The following SLC38A9 variants were observed in gnomAD, a reference collection of about 807,000 sequenced individuals.
The protein encoded by SLC38A9 is neutral amino acid transporter 9.
SLC38A9 carries 48 observed loss-of-function variants against 62.3 expected under a neutral mutation model. The observed-to-expected ratio is 0.77, with a 90% confidence interval of 0.61 to 0.98. The LOEUF is 0.98. Ranked by LOEUF, SLC38A9 falls within the 50% of genes least tolerant of loss-of-function variation. The probability of loss-of-function intolerance (pLI) is 0.00; values close to 1 mark genes in which losing one functional copy is unlikely to be tolerated. For synonymous variants in SLC38A9, 204 were observed against 227.7 expected (o/e 0.90, Z 0.94); for missense variants, 541 against 679.8 (o/e 0.80, Z 2.27).
At chr5:55,689,065 T>C (rs1754367585) in intron 3 of SLC38A9, among the ~76,000 whole-genome samples, 1 of 152,194 alleles carries the variant, frequency 6.6e-6, no homozygotes, top group African/African-American at 2.4e-5. Flanking sequence ...TCAGGTCAGA[T>C]CTGTATACAC....
intron 12 of SLC38A9, among the ~76,000 whole-genome samples, chr5:55,643,908 T>C (rs962541207): frequency 6.6e-6 from 1 of 152,242 alleles, no homozygotes; most frequent in Non-Finnish European, 1.5e-5. Context: ...AAATTCCTTG[T>C]AGACAACATA....
At chr5:55,672,838 G>A in intron 3 of SLC38A9, 143 bp from the exon 4 acceptor site, 4 of 737,842 alleles carry the variant, frequency 5.4e-6, no homozygotes, top group Admixed American at 6.2e-5. Context: ...GGTGCAAACA[G>A]AAAATGTTAC....
chr5:55,664,140 G>A (rs201428621), intron 8 of SLC38A9, among the ~76,000 whole-genome samples: 3 of 150,470 alleles, frequency 2.0e-5, no homozygotes, highest in East Asian at 2.0e-4. Context: ...CTCAAAAAAA[G>A]AAAAAAAAAT....
At chr5:55,680,442 G>A (rs932389827) in intron 3 of SLC38A9, among the ~76,000 whole-genome samples, 18 of 152,150 alleles carry the variant, frequency 1.2e-4, no homozygotes, top group Admixed American at 9.2e-4. Flanking sequence ...TGATTAGGCC[G>A]GGAGGGGTCC....
At chr5:55,648,072 T>C (rs1561330470) in intron 11 of SLC38A9, among the ~76,000 whole-genome samples, 1 of 152,052 alleles carries the variant, frequency 6.6e-6, no homozygotes, top group Non-Finnish European at 1.5e-5. Context: ...AAACCCTGTC[T>C]CTACTAAAAA....
intron 9 of SLC38A9, 124 bp from the exon 10 acceptor site, chr5:55,652,847 G>T: frequency 4.5e-6 from 3 of 664,806 alleles, no homozygotes; most frequent in East Asian, 2.8e-5. Context: ...CTTCCTAGGA[G>T]CCTAAATTTC....
intron 9 of SLC38A9, 54 bp downstream of exon 9, chr5:55,656,661 C>T (rs1748481413): frequency 8.0e-7 from 1 of 1,244,318 alleles, no homozygotes; most frequent in South Asian, 1.2e-5. Context: ...ACCTTAAATC[C>T]TTTTTGGAGC....
At chr5:55,667,857 C>G (rs1175394712) in intron 7 of SLC38A9, among the ~76,000 whole-genome samples, 1 of 152,118 alleles carries the variant, frequency 6.6e-6, no homozygotes, top group African/African-American at 2.4e-5. Context: ...AGCCTCTCTT[C>G]TTTTTAAATG....
chr5:55,648,207 C>T (rs898391957), intron 11 of SLC38A9, among the ~76,000 whole-genome samples: 15 of 151,938 alleles, frequency 9.9e-5, no homozygotes, highest in Admixed American at 5.9e-4. Flanking sequence ...CCACTGCACT[C>T]GAGCCTGGGT....
rs542760631 is a variant in SLC38A9, at chr5:55,630,461, G to A, written c.1431-2481C>T. On this transcript the variant is annotated intron_variant, in intron 14 of 15. Coordinates refer to ENST00000396865, the MANE Select transcript of SLC38A9 (RefSeq NM_173514.4). ...GCCTCCCGAGTACCTGGGATTACAAGCGCCTGCCACTACGCCAGGCTAATT... is the reference window on the plus strand; with the variant it reads ...GCCTCCCGAGTACCTGGGATTACAAACGCCTGCCACTACGCCAGGCTAATT... Among the ~76,000 whole-genome samples the A allele has an allele frequency of 2.0e-5, 3 of 152,102 alleles. No individual in the cohort carries two copies. The South Asian group carries it at 6.2e-4, about 32-fold the overall frequency.
chr5:55,710,970 C>T (rs1302420248), intron 2 of SLC38A9, among the ~76,000 whole-genome samples: 1 of 151,748 alleles, frequency 6.6e-6, no homozygotes, highest in Non-Finnish European at 1.5e-5. Context: ...CTACATATGT[C>T]AGATCTTTGT....
At chr5:55,710,132 T>C in intron 2 of SLC38A9, among the ~76,000 whole-genome samples, 1 of 150,128 alleles carries the variant, frequency 6.7e-6, no homozygotes. Context: ...GTCTAACTGT[T>C]CTCAGAAGTC....
chr5:55,707,447 C>A (rs554920338), intron 2 of SLC38A9, among the ~76,000 whole-genome samples: 1 of 152,194 alleles, frequency 6.6e-6, no homozygotes, highest in East Asian at 1.9e-4. Flanking sequence ...CATAGTGAAA[C>A]CCTGTCTCTA....
At chr5:55,656,929 T>C (rs6864335) in intron 8 of SLC38A9, among the ~76,000 whole-genome samples, 155 bp from the exon 9 acceptor site, 90,737 of 151,660 alleles carry the variant, frequency 0.6, 27,760 homozygotes, top group South Asian at 0.7. Context: ...GGCACGATCT[T>C]GGCTTACTGC....
intron 2 of SLC38A9, among the ~76,000 whole-genome samples, chr5:55,699,740 G>A (rs957995847): frequency 4.6e-5 from 7 of 151,886 alleles, no homozygotes; most frequent in African/African-American, 1.4e-4. Flanking sequence ...AAAAATTCAA[G>A]AGCCCAAATT....
intron 3 of SLC38A9, among the ~76,000 whole-genome samples, chr5:55,676,141 T>C (rs1204278295): frequency 1.3e-5 from 2 of 152,176 alleles, no homozygotes; most frequent in Non-Finnish European, 2.9e-5. Flanking sequence ...CTTATGTTGC[T>C]TGGATGGGTG....
chr5:55,697,334 T>A (rs1756023539), intron 3 of SLC38A9: 1 of 152,768 alleles, frequency 6.5e-6, no homozygotes, highest in East Asian at 1.9e-4. Flanking sequence ...ATTGGAAGTC[T>A]ATTTATTTTT....
intron 3 of SLC38A9, among the ~76,000 whole-genome samples, chr5:55,684,404 A>G (rs1753455780): frequency 6.6e-6 from 1 of 152,226 alleles, no homozygotes; most frequent in Non-Finnish European, 1.5e-5. Flanking sequence ...TGGGAAGTCA[A>G]TTTGAGACAG....
At chr5:55,683,336 C>T (rs913614676) in intron 3 of SLC38A9, among the ~76,000 whole-genome samples, 13 of 152,146 alleles carry the variant, frequency 8.5e-5, no homozygotes, top group Non-Finnish European at 1.9e-4. Flanking sequence ...AATCCTCTTG[C>T]CTTAGCCTCC....
Sources: allele counts gnomAD v4.1 joint callset (sites outside exome capture counted in the v4.1 genomes callset), GRCh38; gene constraint gnomAD v4.1.1; transcripts MANE v1.5; gene names NCBI Gene and HGNC (gene_info 2026-07-23, HGNC 2026-07-21).